The following CD244 variants were observed in gnomAD, a reference collection of about 807,000 sequenced individuals.
CD244 encodes the protein CD244 molecule, also known as natural killer cell receptor 2B4.
Under a neutral mutation model 45.5 loss-of-function variants are expected in CD244, and 20 were observed. That is an observed-to-expected ratio of 0.44 (90% CI 0.31 to 0.64). CD244 has a LOEUF of 0.64. Among genes scored for constraint, CD244 ranks in the 30% least tolerant of loss-of-function variants. The pLI, the probability that CD244 is intolerant of heterozygous loss-of-function variation, is 0.08. For missense variants in CD244, 407 were observed against 426.9 expected (o/e 0.95, Z 0.41); for synonymous variants, 185 against 160.5 (o/e 1.15, Z -1.15).
intron 1 of CD244, among the ~76,000 whole-genome samples, chr1:160,844,101 T>A (rs780160897): frequency 1.3e-5 from 2 of 152,240 alleles, no homozygotes; most frequent in African/African-American, 2.4e-5. Flanking sequence ...GAATCTCTGG[T>A]AGCCCTAACC....
intron 3 of CD244, chr1:160,839,305 A>C: frequency 2.8e-6 from 1 of 351,240 alleles, no homozygotes. Context: ...TATTTATTTA[A>C]CCTCTCTGGG....
chr1:160,862,010 A>T (rs184700664), intron 1 of CD244, among the ~76,000 whole-genome samples: 28 of 152,324 alleles, frequency 1.8e-4, no homozygotes, highest in Admixed American at 1.5e-3. Flanking sequence ...TGCCTGGCTG[A>T]CAGCTTTAGG....
chr1:160,854,881 A>G (rs1014305297), intron 1 of CD244, among the ~76,000 whole-genome samples: 5 of 152,204 alleles, frequency 3.3e-5, no homozygotes, highest in Non-Finnish European at 7.3e-5. Flanking sequence ...TGATTTTTCA[A>G]CTGGAAGGAA....
At position 160,841,816 on chromosome 1, in the gene CD244, G is replaced by C. The variant is rs538024099; in HGVS notation, c.147C>G (p.Asp49Glu). 7 of 1,614,034 alleles carry C rather than the reference G, an allele frequency of 4.3e-6. No homozygotes were observed. In the African/African-American group the frequency reaches 5.3e-5, roughly 12 times the overall value. The change falls in exon 2 of 9, where the codon GAC (aspartate) becomes GAG (glutamate). Residue 49 changes from aspartate to glutamate, a missense_variant. Physicochemically the swap from Asp to Glu is conservative, Grantham distance 45. Coordinates refer to ENST00000368034, the MANE Select transcript of CD244 (RefSeq NM_016382.4). ...GCAGCAACTTCTTCCATGCAATGCT[G>C]TCAACCTTCGTCTGTATGCTGTTTG... ...LQPNSIQTKV[D>E]SIAWKKLLPS...
intron 5 of CD244, 32 bp downstream of exon 5, chr1:160,838,419 T>G (rs1291569276): frequency 1.3e-6 from 2 of 1,534,064 alleles, no homozygotes; most frequent in South Asian, 2.2e-5. Flanking sequence ...CCAAGCCAGC[T>G]GAGAGAGACC....
intron 1 of CD244, among the ~76,000 whole-genome samples, chr1:160,845,639 T>G (rs978149001): frequency 6.6e-6 from 1 of 152,172 alleles, no homozygotes; most frequent in Non-Finnish European, 1.5e-5. Context: ...ATGGATCACC[T>G]GACGTCAGGA....
chr1:160,853,049 T>C (rs935369163), intron 1 of CD244, among the ~76,000 whole-genome samples: 4 of 152,128 alleles, frequency 2.6e-5, no homozygotes, highest in Admixed American at 1.3e-4. Flanking sequence ...CTGGTGTTTA[T>C]ATCCACTAAA....
At chr1:160,853,220 A>G (rs1669981042) in intron 1 of CD244, among the ~76,000 whole-genome samples, 1 of 152,234 alleles carries the variant, frequency 6.6e-6, no homozygotes. Flanking sequence ...CCTGGCAATA[A>G]TGTGGATGGA....
chr1:160,850,919 C>T (rs578188878), intron 1 of CD244, among the ~76,000 whole-genome samples: 23 of 152,308 alleles, frequency 1.5e-4, no homozygotes, highest in African/African-American at 3.4e-4. Flanking sequence ...CTGGGTTTCC[C>T]GTTATTCCCT....
rs376446496 is a variant in CD244, at chr1:160,837,831, C to T, written c.834+620G>A. Among the ~76,000 whole-genome samples the T allele has an allele frequency of 1.6e-4, 24 of 152,348 alleles. No individual in the cohort carries two copies. In the East Asian group the frequency reaches 4.6e-3, roughly 29 times the overall value. On this transcript the variant is annotated intron_variant, in intron 5 of 8. Transcript: ENST00000368034. ...CACAGCAGTGGGGGCATCTGCAGGC[C>T]CTCTGCAATTTCCTCCTCTTCTAAT... is the stretch of plus-strand genomic sequence containing the variant.
intron 1 of CD244, among the ~76,000 whole-genome samples, chr1:160,849,360 G>A (rs1276612043): frequency 2.7e-5 from 4 of 147,152 alleles, no homozygotes; most frequent in Admixed American, 2.1e-4. Flanking sequence ...AGGTATACGT[G>A]TGCCATGGTG....
At chr1:160,835,985 T>C in intron 6 of CD244, among the ~76,000 whole-genome samples, 1 of 152,210 alleles carries the variant, frequency 6.6e-6, no homozygotes, top group East Asian at 1.9e-4. Flanking sequence ...GAAGAAGGAA[T>C]GTCCACATCA....
chr1:160,839,058 T>G lies in CD244; in HGVS notation c.656-9A>C, dbSNP rs1410292901. ...CGGCCAAAATCTGAATTCTGAGGAA[T>G]ACAGAAGGCGTGAGAACTGAGCTGT... On this transcript the variant is annotated splice_polypyrimidine_tract_variant and intron_variant, in intron 3 of 8. Coordinates refer to ENST00000368034, the MANE Select transcript of CD244 (RefSeq NM_016382.4). 8.8e-6 allele frequency: 14 copies of G among 1,599,052 alleles called. No individual in the cohort carries two copies. The highest frequency in any genetic ancestry group is 1.2e-5 in the Non-Finnish European group (14 of 1,167,206).
chr1:160,832,480 A>G lies in CD244; in HGVS notation c.1017+39T>C, dbSNP rs376874276. ...TCATGGCTAGATTTCAGGGCTATGC[A>G]ACAGACAGTAAACCCATTGAGGAGT... On this transcript the variant is annotated intron_variant, in intron 8 of 8. Coordinates refer to ENST00000368034, the MANE Select transcript of CD244 (RefSeq NM_016382.4). 12 of 1,281,912 alleles carry G rather than the reference A, an allele frequency of 9.4e-6. No homozygotes were observed. In the African/African-American group the frequency reaches 1.8e-4, roughly 19 times the overall value. The allele number at this position is 1,281,912 out of a possible 1,614,324, so 79.4% of individuals were successfully genotyped here.
intron 1 of CD244, among the ~76,000 whole-genome samples, chr1:160,846,276 T>C (rs1669734984): frequency 6.6e-6 from 1 of 152,124 alleles, no homozygotes; most frequent in Admixed American, 6.5e-5. Flanking sequence ...GTAGCTTAAC[T>C]CCCACGTATC....
chr1:160,835,479 G>A (rs968814522), intron 6 of CD244, among the ~76,000 whole-genome samples: 1 of 152,142 alleles, frequency 6.6e-6, no homozygotes, highest in Admixed American at 6.5e-5. Context: ...GGGTGCAGTG[G>A]TACACACCTG....
At position 160,847,427 on chromosome 1, in the gene CD244, A is replaced by G. The variant is rs146969287; in HGVS notation, c.62-5526T>C. On this transcript the variant is annotated intron_variant, in intron 1 of 8. Coordinates refer to ENST00000368034, the MANE Select transcript of CD244 (RefSeq NM_016382.4). The stretch of plus-strand genomic sequence containing the variant: ...CTTTTCAAGTGCACATGCAATAGTT[A>G]CCAAAGTATTATCATATGCTGTGCA... Among the ~76,000 whole-genome samples the G allele has an allele frequency of 4.1e-3, 622 of 152,274 alleles. 1 individual carries two copies. Among genetic ancestry groups the G allele is most frequent in the Middle Eastern group, 0.027 (8 of 294 alleles).
At chr1:160,832,735 TG>T in intron 7 of CD244, 160 bp from the exon 8 acceptor site, 1 of 1,447,214 alleles carries the variant, frequency 6.9e-7, no homozygotes, top group Non-Finnish European at 9.3e-7. Flanking sequence ...AGCAAAACAA[TG>T]GTGTTTATGG....
At chr1:160,836,300 T>C in intron 5 of CD244, 46 bp from the exon 6 acceptor site, 1 of 1,486,106 alleles carries the variant, frequency 6.7e-7, no homozygotes, top group Non-Finnish European at 9.4e-7. Context: ...CAGTTCGGTC[T>C]GTCCAGATTT....
Sources: allele counts gnomAD v4.1 joint callset (sites outside exome capture counted in the v4.1 genomes callset), GRCh38; gene constraint gnomAD v4.1.1; transcripts MANE v1.5; gene names NCBI Gene and HGNC (gene_info 2026-07-23, HGNC 2026-07-21).